The following SDCCAG8 variants were observed in gnomAD, a reference collection of about 807,000 sequenced individuals.
The protein encoded by SDCCAG8 is serologically defined colon cancer antigen 8.
A neutral mutation model predicts 101.8 loss-of-function variants in SDCCAG8; 74 were observed. The observed-to-expected ratio is 0.73, with a 90% confidence interval of 0.60 to 0.88. The LOEUF is 0.88. Among genes scored for constraint, SDCCAG8 ranks in the 40% least tolerant of loss-of-function variants. SDCCAG8 has a pLI of 0.00. For missense variants in SDCCAG8, 787 were observed against 822.6 expected (o/e 0.96, Z 0.53); for synonymous variants, 281 against 292.9 (o/e 0.96, Z 0.41).
intron 13 of SDCCAG8, among the ~76,000 whole-genome samples, chr1:243,397,885 T>G (rs1455796221): frequency 6.6e-6 from 1 of 152,226 alleles, no homozygotes; most frequent in African/African-American, 2.4e-5. Flanking sequence ...AAATGTAACT[T>G]TCTCCACTGC....
intron 16 of SDCCAG8, among the ~76,000 whole-genome samples, chr1:243,463,385 T>C (rs920035270): frequency 1.3e-5 from 2 of 152,242 alleles, no homozygotes; most frequent in Non-Finnish European, 2.9e-5. Context: ...TTGCACACTT[T>C]AGAAAACAAT....
At position 243,330,605 on chromosome 1, in the gene SDCCAG8, A is replaced by T. The variant is rs2275155; in HGVS notation, c.1134A>T (p.Glu378Asp). 0.3 allele frequency: 484,247 copies of T among 1,613,592 alleles called. 75,398 individuals are homozygous for T. Among genetic ancestry groups the T allele is most frequent in the South Asian group, 0.45 (41,367 of 91,064 alleles). The part of the protein sequence containing the change: ...LERQAERLEK[E>D]LASQQEKRAI... ...GGCAGGCGGAGCGACTTGAAAAAGAACTTGCATCTCAGCAAGAGAAAAGGG... is the reference window on the plus strand; with the variant it reads ...GGCAGGCGGAGCGACTTGAAAAAGATCTTGCATCTCAGCAAGAGAAAAGGG... The change falls in exon 10 of 18, where the codon GAA becomes GAT. Residue 378 changes from glutamate to aspartate, a missense_variant. Transcript: ENST00000366541.
intron 6 of SDCCAG8, among the ~76,000 whole-genome samples, chr1:243,302,791 A>C (rs1408448199): frequency 3.3e-5 from 5 of 152,178 alleles, no homozygotes; most frequent in African/African-American, 1.2e-4. Flanking sequence ...AAGGACCTTT[A>C]AGGCTTATTA....
At position 243,474,638 on chromosome 1, in the gene SDCCAG8, G is replaced by A. The variant is rs559903249; in HGVS notation, c.1986-14376G>A. On this transcript the variant is annotated intron_variant, in intron 16 of 17. Coordinates refer to ENST00000366541, the MANE Select transcript of SDCCAG8 (RefSeq NM_006642.5). The surrounding 1 kb of genome is among the most constrained non-coding windows in gnomAD (Gnocchi z 4.7). The stretch of plus-strand genomic sequence containing the variant: ...CGGTGGCCCGAGAGCAGGTGCTGGC[G>A]TGCGGGAGGCGCACGTGGAGCCCTG... Among the ~76,000 whole-genome samples the A allele has an allele frequency of 8.5e-5, 13 of 152,346 alleles. No homozygotes were observed. The highest frequency in any genetic ancestry group is 5.9e-4 in the Admixed American group (9 of 15,310).
At chr1:243,348,743 G>GTGGC (rs2075895786) in intron 12 of SDCCAG8, among the ~76,000 whole-genome samples, 1 of 151,448 alleles carries the variant, frequency 6.6e-6, no homozygotes, top group Admixed American at 6.6e-5. Flanking sequence ...GGAGGCCGAG[G>GTGGC]TGGCGGATCA....
intron 6 of SDCCAG8, among the ~76,000 whole-genome samples, chr1:243,303,429 TTGCC>T (rs2071744337): frequency 6.6e-6 from 1 of 152,108 alleles, no homozygotes; most frequent in Non-Finnish European, 1.5e-5. Flanking sequence ...TTAACTAAGT[TTGCC>T]TGCCTCTCCT....
At chr1:243,346,141 G>C (rs139593655) in intron 12 of SDCCAG8, 2 of 154,444 alleles carry the variant, frequency 1.3e-5, no homozygotes, top group Admixed American at 6.5e-5. Flanking sequence ...CAGAAAAGAA[G>C]TCGTGGTGTC....
At chr1:243,324,511 C>A (rs2074006078) in intron 9 of SDCCAG8, among the ~76,000 whole-genome samples, 1 of 137,022 alleles carries the variant, frequency 7.3e-6, no homozygotes, top group Non-Finnish European at 1.5e-5. Context: ...GTCACCCAGG[C>A]TCAGTGGTGC....
At chr1:243,276,098 G>A (rs1237144248) in intron 4 of SDCCAG8, among the ~76,000 whole-genome samples, 5 of 151,924 alleles carry the variant, frequency 3.3e-5, no homozygotes, top group Non-Finnish European at 5.9e-5. Context: ...TCTTGACCTC[G>A]TGATCCGTCC....
intron 15 of SDCCAG8, among the ~76,000 whole-genome samples, chr1:243,423,642 T>C (rs2081157586): frequency 6.6e-6 from 1 of 152,152 alleles, no homozygotes; most frequent in Admixed American, 6.5e-5. Context: ...TTAATCCTTT[T>C]AAGGGTGTTG....
rs562614623 is a variant in SDCCAG8 at position 243,360,762 on chromosome 1, C to T, written c.1473+16431C>T. ...GTTTGAACCCGGGTGGTGGAGGTTGCGGTGAGCCGGGATTGCGCCACTGCA... is the reference window on the plus strand; with the variant it reads ...GTTTGAACCCGGGTGGTGGAGGTTGTGGTGAGCCGGGATTGCGCCACTGCA... On this transcript the variant is annotated intron_variant, in intron 12 of 17. Coordinates refer to ENST00000366541, the MANE Select transcript of SDCCAG8 (RefSeq NM_006642.5). 2.6e-3 allele frequency among the ~76,000 whole-genome samples: 388 copies of T among 152,086 alleles called. 2 individuals are homozygous for T. The highest frequency in any genetic ancestry group is 8.9e-3 in the African/African-American group (368 of 41,490).
chr1:243,400,881 A>G (rs978294220), intron 13 of SDCCAG8, among the ~76,000 whole-genome samples: 4 of 152,156 alleles, frequency 2.6e-5, no homozygotes, highest in African/African-American at 4.8e-5. Flanking sequence ...ACTAAGTCAG[A>G]CTGCACTAGA....
At chr1:243,390,940 T>C (rs892813475) in intron 13 of SDCCAG8, among the ~76,000 whole-genome samples, 4 of 152,230 alleles carry the variant, frequency 2.6e-5, no homozygotes, top group Non-Finnish European at 5.9e-5. Context: ...TTTCTTCCGG[T>C]AAATTTCTAA....
chr1:243,473,110 G>A (rs992599960), intron 16 of SDCCAG8, among the ~76,000 whole-genome samples: 8 of 152,082 alleles, frequency 5.3e-5, no homozygotes, highest in African/African-American at 1.9e-4. Context: ...GGGTGTGTCT[G>A]TAGAAAGCAT....
At chr1:243,400,127 A>C (rs2147969568) in intron 13 of SDCCAG8, among the ~76,000 whole-genome samples, 1 of 152,336 alleles carries the variant, frequency 6.6e-6, no homozygotes, top group East Asian at 1.9e-4. Flanking sequence ...TTCCTTTTGG[A>C]AAGTTGTATT....
chr1:243,270,873 G>C (rs998696549), intron 2 of SDCCAG8, 105 bp from the exon 3 acceptor site: 3 of 773,982 alleles, frequency 3.9e-6, no homozygotes. Context: ...CAGAATTCTT[G>C]ATGCATAATA....
chr1:243,378,892 G>A, intron 13 of SDCCAG8, 29 bp downstream of exon 13: 2 of 1,613,856 alleles, frequency 1.2e-6, no homozygotes. Flanking sequence ...ATGCGCCATA[G>A]CACCGATTTC....
chr1:243,308,251 T>G, intron 8 of SDCCAG8, 74 bp downstream of exon 8: 1 of 1,413,058 alleles, frequency 7.1e-7, no homozygotes, highest in Admixed American at 1.7e-5. Context: ...ATTGTGTTCT[T>G]CTAGCCCTAT....
chr1:243,303,934 G>A (rs12084733), intron 6 of SDCCAG8, among the ~76,000 whole-genome samples: 42,060 of 151,922 alleles, frequency 0.28, 5,939 homozygotes, highest in South Asian at 0.46. Flanking sequence ...TTAGCCGGGC[G>A]TGGTGGCACA....
Sources: gnomAD v4.1 joint callset for allele counts (sites outside exome capture counted in the v4.1 genomes callset) on GRCh38, gnomAD v4.1.1 for gene constraint, Gnocchi (gnomAD v3.1) non-coding constraint, MANE v1.5 for transcripts, NCBI Gene and HGNC (gene_info 2026-07-23, HGNC 2026-07-21) for gene names.